The following SPMIP4 variants were observed in gnomAD, a reference collection of about 807,000 sequenced individuals.
SPMIP4 encodes sperm microtubule inner protein 4, also known as sperm-associated microtubule inner protein 4.
At chr7:25,168,530 G>C in the SPMIP4 span, 1 of 1,342,016 alleles carries the variant, frequency 7.5e-7, no homozygotes, top group Non-Finnish European at 1.0e-6. Context: ...TTGCATAACA[G>C]ATTGCATAAA....
At chr7:25,142,408 C>T in the SPMIP4 span, 5 of 1,092,246 alleles carry the variant, frequency 4.6e-6, no homozygotes, top group East Asian at 7.3e-5. Context: ...TATAGGAAAA[C>T]TTACCCATTC....
the SPMIP4 span, among the ~76,000 whole-genome samples, chr7:25,156,398 A>T: frequency 6.6e-6 from 1 of 152,218 alleles, no homozygotes; most frequent in African/African-American, 2.4e-5. Context: ...CCTAACAAAA[A>T]GGACTTTACT....
the SPMIP4 span, among the ~76,000 whole-genome samples, chr7:25,166,452 T>C: frequency 6.6e-6 from 1 of 152,094 alleles, no homozygotes; most frequent in South Asian, 2.1e-4. Flanking sequence ...CTGGGCGTGG[T>C]GGCGGACGCC....
the SPMIP4 span, chr7:25,136,707 C>T: frequency 6.2e-7 from 1 of 1,614,038 alleles, no homozygotes; most frequent in African/African-American, 1.3e-5. The surrounding 1 kb of genome is among the most constrained non-coding windows in gnomAD (Gnocchi z 5.7). Context: ...GGACTATAGC[C>T]TCCAGAGAAC....
the SPMIP4 span, chr7:25,179,542 C>T: frequency 2.7e-6 from 1 of 376,536 alleles, no homozygotes; most frequent in Non-Finnish European, 4.7e-6. Flanking sequence ...GTGGACGGTG[C>T]CTCCAAGTAG....
the SPMIP4 span, among the ~76,000 whole-genome samples, chr7:25,177,279 G>A: frequency 2.6e-5 from 4 of 152,028 alleles, no homozygotes; most frequent in East Asian, 3.9e-4. Flanking sequence ...TCAGGAGATC[G>A]AGACCATCCT....
the SPMIP4 span, among the ~76,000 whole-genome samples, chr7:25,129,759 C>T: frequency 1.3e-5 from 2 of 152,128 alleles, no homozygotes; most frequent in African/African-American, 4.8e-5. Flanking sequence ...TATTAGACTA[C>T]CTCTGGAAGT....
the SPMIP4 span, among the ~76,000 whole-genome samples, chr7:25,164,279 C>A: frequency 1.3e-5 from 2 of 152,060 alleles, no homozygotes; most frequent in Non-Finnish European, 2.9e-5. Context: ...TCAGGGGGTA[C>A]AACAATGGTT....
the SPMIP4 span, among the ~76,000 whole-genome samples, chr7:25,152,243 T>C: frequency 6.6e-6 from 1 of 152,224 alleles, no homozygotes; most frequent in Non-Finnish European, 1.5e-5. Flanking sequence ...TCAAGTTTTC[T>C]GAAACTGAGT....
the SPMIP4 span, among the ~76,000 whole-genome samples, chr7:25,133,717 A>G: frequency 6.6e-6 from 1 of 152,224 alleles, no homozygotes; most frequent in East Asian, 1.9e-4. Context: ...GTATAATAGA[A>G]TGTTAAACCA....
At chr7:25,151,554 T>C in the SPMIP4 span, 1 of 1,261,276 alleles carries the variant, frequency 7.9e-7, no homozygotes. Flanking sequence ...ACTAAAAATA[T>C]TTGTTACTTT....
chr7:25,126,533 A>G, the SPMIP4 span, among the ~76,000 whole-genome samples: 1 of 152,252 alleles, frequency 6.6e-6, no homozygotes, highest in African/African-American at 2.4e-5. Context: ...CATTGATTGC[A>G]TAAACAAAAA....
chr7:25,144,013 T>C, the SPMIP4 span, among the ~76,000 whole-genome samples: 1 of 152,180 alleles, frequency 6.6e-6, no homozygotes, highest in Non-Finnish European at 1.5e-5. Context: ...TCATGTTATA[T>C]GCAGAAACTG....
chr7:25,133,104 ATAT>A, the SPMIP4 span, among the ~76,000 whole-genome samples: 1 of 152,200 alleles, frequency 6.6e-6, no homozygotes. Context: ...TGTGAGCAGT[ATAT>A]TATTGTCTGT....
chr7:25,176,220 G>C, the SPMIP4 span, among the ~76,000 whole-genome samples: 1 of 152,228 alleles, frequency 6.6e-6, no homozygotes, highest in Admixed American at 6.5e-5. This position sits in a 1 kb window ranked among gnomAD's most constrained non-coding sequence, Gnocchi z 4.4. Context: ...CGTTTAGGTA[G>C]AGGGGATCAA....
At chr7:25,135,927 T>C in the SPMIP4 span, 11 of 1,532,394 alleles carry the variant, frequency 7.2e-6, no homozygotes, top group African/African-American at 1.4e-4. Context: ...TTATATTTTT[T>C]AGCTTCTTGC....
chr7:25,134,333 T>TAA, the SPMIP4 span, among the ~76,000 whole-genome samples: 45 of 129,902 alleles, frequency 3.5e-4, no homozygotes, highest in Non-Finnish European at 6.2e-4. Context: ...ACACATTTTG[T>TAA]AAAAAAAAAA....
the SPMIP4 span, among the ~76,000 whole-genome samples, chr7:25,153,940 G>A: frequency 1.3e-5 from 2 of 152,214 alleles, no homozygotes; most frequent in Non-Finnish European, 2.9e-5. Context: ...TTATACGCTA[G>A]CAGGGTAAGA....
chr7:25,159,045 T>A, the SPMIP4 span, among the ~76,000 whole-genome samples: 1 of 152,222 alleles, frequency 6.6e-6, no homozygotes, highest in Non-Finnish European at 1.5e-5. Flanking sequence ...TTCTGCATTT[T>A]CCATTTGTGG....
Sources: allele counts gnomAD v4.1 joint callset (sites outside exome capture counted in the v4.1 genomes callset), GRCh38; gene constraint gnomAD v4.1.1; non-coding constraint Gnocchi (gnomAD v3.1); transcripts MANE v1.5; gene names NCBI Gene and HGNC (gene_info 2026-07-23, HGNC 2026-07-21).